The following PPP1R21 variants were observed in gnomAD, a reference collection of about 807,000 sequenced individuals.
The protein encoded by PPP1R21 is protein phosphatase 1 regulatory subunit 21, also known as KLRAQ motif containing 1.
A neutral mutation model predicts 112.8 loss-of-function variants in PPP1R21; 85 were observed. That is an observed-to-expected ratio of 0.75 (90% CI 0.63 to 0.90). The LOEUF is 0.90. Among genes scored for constraint, PPP1R21 ranks in the 40% least tolerant of loss-of-function variants. The pLI is 0.00. For missense variants in PPP1R21, 1,199 were observed against 901.5 expected (o/e 1.33, Z -4.23); for synonymous variants, 381 against 322.3 (o/e 1.18, Z -1.95).
intron 13 of PPP1R21, among the ~76,000 whole-genome samples, chr2:48,480,326 C>G (rs1213437408): frequency 3.9e-5 from 6 of 152,176 alleles, no homozygotes; most frequent in Non-Finnish European, 7.3e-5. Flanking sequence ...TATTCAGAGG[C>G]CTTTTGCAAA....
In PPP1R21 at chr2:48,490,923, C is replaced by T. The variant is rs1220289995; in HGVS notation, c.1447-95C>T. 15 of 1,076,752 alleles carry T rather than the reference C, an allele frequency of 1.4e-5. No homozygotes were observed. The Admixed American group carries it at 1.5e-4, about 10-fold the overall frequency. The allele number at this position is 1,076,752 out of a possible 1,614,324, so 66.7% of individuals were successfully genotyped here. A position where few individuals can be genotyped will look rare whatever the true frequency, so the allele number is the denominator to read the frequency against. Reference sequence around the variant, plus strand: ...GAAATTTCATTTCCATTTCCATTCTCAACATCTTTAAACTTTGCTGCAAAA... The same window carrying T: ...GAAATTTCATTTCCATTTCCATTCTTAACATCTTTAAACTTTGCTGCAAAA... On this transcript the variant is annotated intron_variant, in intron 14 of 21. Transcript: ENST00000294952.
chr2:48,476,991 T>C (rs1042702866), intron 12 of PPP1R21, among the ~76,000 whole-genome samples: 4 of 152,126 alleles, frequency 2.6e-5, no homozygotes, highest in African/African-American at 4.8e-5. Flanking sequence ...GCTGATGCTT[T>C]TGATGTCATA....
At chr2:48,506,239 G>T (rs116313078) in intron 18 of PPP1R21, among the ~76,000 whole-genome samples, 1 of 152,102 alleles carries the variant, frequency 6.6e-6, no homozygotes, top group South Asian at 2.1e-4. Context: ...GACTTCAGGC[G>T]CATGTCACCA....
chr2:48,471,017 C>T, intron 9 of PPP1R21, 70 bp from the exon 10 acceptor site: 1 of 1,044,286 alleles, frequency 9.6e-7, no homozygotes, highest in South Asian at 1.4e-5. Flanking sequence ...TTTGGTGGGT[C>T]CATTTAGAAA....
chr2:48,469,289 G>A (rs1159636234), intron 9 of PPP1R21, among the ~76,000 whole-genome samples: 1 of 66,638 alleles, frequency 1.5e-5, no homozygotes, highest in Non-Finnish European at 3.0e-5. Flanking sequence ...GTGTGTGTGT[G>A]TGTGTGTATG....
intron 2 of PPP1R21, among the ~76,000 whole-genome samples, chr2:48,451,909 T>C (rs920581979): frequency 6.6e-6 from 1 of 152,336 alleles, no homozygotes; most frequent in African/African-American, 2.4e-5. Flanking sequence ...ATTGTCCTTT[T>C]ACGTAGTCAG....
chr2:48,471,629 C>G (rs1175242543), intron 11 of PPP1R21, among the ~76,000 whole-genome samples: 1 of 152,138 alleles, frequency 6.6e-6, no homozygotes, highest in Non-Finnish European at 1.5e-5. Context: ...GCAGTTAACA[C>G]CTAGATGGGT....
At chr2:48,498,119 T>C (rs1669933086) in intron 16 of PPP1R21, among the ~76,000 whole-genome samples, 1 of 152,196 alleles carries the variant, frequency 6.6e-6, no homozygotes, top group Non-Finnish European at 1.5e-5. Context: ...TTGGGTTTTT[T>C]TTTCTTTGCC....
chr2:48,465,972 G>A (rs1668184419), intron 9 of PPP1R21, among the ~76,000 whole-genome samples: 1 of 152,166 alleles, frequency 6.6e-6, no homozygotes, highest in Admixed American at 6.5e-5. Flanking sequence ...GCAAAGAGGA[G>A]CAAGTCATGT....
At position 48,464,962 on chromosome 2, in the gene PPP1R21, C is replaced by T. The variant is rs374690188; in HGVS notation, c.720C>T (p.Asn240=). ...AATATAGTCAGTACAACGCTCTGAA[C>T]GTTCCACTCCACAATAGGAGACACC... ...DTKYSQYNAL[N]VPLHNRRHQL... is the part of the protein sequence containing the mutation. The change falls in exon 8 of 22, where the codon AAC becomes AAT. Residue 240 remains asparagine (N), a synonymous_variant. Transcript: ENST00000294952. The T allele has an allele frequency of 5.1e-5, 79 of 1,558,866 alleles. No individual in the cohort carries two copies. Among genetic ancestry groups the T allele is most frequent in the Middle Eastern group, 1.7e-4 (1 of 5,910 alleles).
At chr2:48,474,551 G>A in intron 11 of PPP1R21, 132 bp from the exon 12 acceptor site, 1 of 752,960 alleles carries the variant, frequency 1.3e-6, no homozygotes, top group Non-Finnish European at 2.2e-6. Flanking sequence ...ATGGAGCCAT[G>A]CAAATGAGAT....
chr2:48,508,089 A>G (rs902983960), intron 19 of PPP1R21, among the ~76,000 whole-genome samples: 7 of 152,008 alleles, frequency 4.6e-5, no homozygotes, highest in African/African-American at 1.4e-4. Context: ...AAAAAAAAAA[A>G]AAAAGTTATT....
At chr2:48,472,292 A>T (rs2103854824) in intron 11 of PPP1R21, among the ~76,000 whole-genome samples, 1 of 149,204 alleles carries the variant, frequency 6.7e-6, no homozygotes. Context: ...CAACTGGAAC[A>T]TGAGAGAAAT....
chr2:48,505,894 C>G (rs900843358), intron 18 of PPP1R21, among the ~76,000 whole-genome samples: 1 of 152,114 alleles, frequency 6.6e-6, no homozygotes, highest in African/African-American at 2.4e-5. Flanking sequence ...TGCTGGCATA[C>G]TACATGAGGC....
chr2:48,454,086 C>G (rs1171524537), intron 2 of PPP1R21, among the ~76,000 whole-genome samples: 1 of 152,080 alleles, frequency 6.6e-6, no homozygotes, highest in East Asian at 1.9e-4. Context: ...TGGCGAAATG[C>G]TGTCTCTACT....
At chr2:48,448,968 A>G (rs192733959) in intron 1 of PPP1R21, among the ~76,000 whole-genome samples, 173 of 152,100 alleles carry the variant, frequency 1.1e-3, no homozygotes, top group African/African-American at 4.0e-3. Flanking sequence ...TAGCCTGCCA[A>G]TTTGGCCCTC....
chr2:48,477,518 C>G (rs1668812451), intron 12 of PPP1R21, among the ~76,000 whole-genome samples: 1 of 152,132 alleles, frequency 6.6e-6, no homozygotes, highest in South Asian at 2.1e-4. Context: ...GTCTGGGTAC[C>G]CTTGTGGAGA....
intron 19 of PPP1R21, among the ~76,000 whole-genome samples, chr2:48,507,749 CTTTTTTTTTTTTT>C (rs34546075): frequency 3.5e-4 from 15 of 42,408 alleles, no homozygotes; most frequent in Middle Eastern, 0.031. Context: ...GAGGCTCTGC[CTTTTTTTTTTTTT>C]TTTTTTTTTT....
chr2:48,477,196 G>A (rs1489900957), intron 12 of PPP1R21, among the ~76,000 whole-genome samples: 3 of 140,650 alleles, frequency 2.1e-5, no homozygotes, highest in South Asian at 2.2e-4. Flanking sequence ...CTCTCAGCTC[G>A]CTGCAAACTG....
Sources: allele counts gnomAD v4.1 joint callset (sites outside exome capture counted in the v4.1 genomes callset), GRCh38; gene constraint gnomAD v4.1.1; transcripts MANE v1.5; gene names NCBI Gene and HGNC (gene_info 2026-07-23, HGNC 2026-07-21).